Variants in SPAG16 observed in about 807,000 individuals in gnomAD.
The protein encoded by SPAG16 is sperm-associated antigen 16 protein.
SPAG16 carries 86 observed loss-of-function variants against 80.4 expected under a neutral mutation model. The observed-to-expected ratio is 1.07, with a 90% CI of 0.90 to 1.28. SPAG16 has a LOEUF of 1.28. SPAG16 is among the 50% of genes most tolerant of loss of function. The probability of loss-of-function intolerance (pLI) is 0.00; values close to 1 mark genes in which losing one functional copy is unlikely to be tolerated. For missense variants in SPAG16, 870 were observed against 765.3 expected, an observed-to-expected ratio of 1.14 and a Z score of -1.61; for synonymous variants, 294 against 265.9, an observed-to-expected ratio of 1.11 and a Z score of -1.03.
chr2:213,314,701 A>C (rs1254143785), intron 4 of SPAG16, among the ~76,000 whole-genome samples: 2 of 151,872 alleles, frequency 1.3e-5, no homozygotes, highest in Admixed American at 1.3e-4. Context: ...TAGAGGAAAA[A>C]CTATTAAATC....
intron 13 of SPAG16, among the ~76,000 whole-genome samples, chr2:214,019,481 T>G (rs2047749373): frequency 6.6e-6 from 1 of 152,158 alleles, no homozygotes; most frequent in Admixed American, 6.5e-5. Context: ...TTAGACTAAC[T>G]GCGGGCACTT....
At chr2:214,150,068 G>A (rs1171825097) in intron 15 of SPAG16, among the ~76,000 whole-genome samples, 3 of 151,914 alleles carry the variant, frequency 2.0e-5, no homozygotes, top group African/African-American at 7.2e-5. Context: ...CATTATTTGT[G>A]GTAAATCAAA....
At chr2:213,646,157 T>C (rs1043177353) in intron 10 of SPAG16, among the ~76,000 whole-genome samples, 1 of 152,148 alleles carries the variant, frequency 6.6e-6, no homozygotes, top group African/African-American at 2.4e-5. Flanking sequence ...TCAAAACTGT[T>C]TTTCCTATCC....
intron 10 of SPAG16, among the ~76,000 whole-genome samples, chr2:213,662,625 G>A (rs1224892061): frequency 6.6e-6 from 1 of 152,058 alleles, no homozygotes; most frequent in Non-Finnish European, 1.5e-5. Context: ...TTTGAAGTTT[G>A]AAGATAATAC....
intron 10 of SPAG16, among the ~76,000 whole-genome samples, chr2:213,756,237 T>C (rs1335873161): frequency 6.6e-6 from 1 of 152,116 alleles, no homozygotes; most frequent in African/African-American, 2.4e-5. Flanking sequence ...TCCTAGCACT[T>C]TGGGAGGCCG....
At chr2:214,049,713 G>A (rs1014133016) in intron 13 of SPAG16, among the ~76,000 whole-genome samples, 1 of 152,210 alleles carries the variant, frequency 6.6e-6, no homozygotes, top group African/African-American at 2.4e-5. Flanking sequence ...CACAGCCATT[G>A]TAAGTTTATT....
At chr2:213,664,532 A>G (rs1017329367) in intron 10 of SPAG16, among the ~76,000 whole-genome samples, 1 of 152,092 alleles carries the variant, frequency 6.6e-6, no homozygotes, top group East Asian at 1.9e-4. Context: ...AGAAATGACA[A>G]GCTCTCTGAG....
In SPAG16 at chr2:213,985,249, A is replaced by G. The variant is rs566280186; in HGVS notation, c.1401-28702A>G. ...GTGTTGTTTCATTTTGTTTAACACA[A>G]TTGACTTCTAGGTAAAATTTCTTTT... On this transcript the variant is annotated intron_variant, in intron 12 of 15. Coordinates refer to ENST00000331683, the MANE Select transcript of SPAG16 (RefSeq NM_024532.5). 9.9e-5 allele frequency among the ~76,000 whole-genome samples: 15 copies of G among 152,226 alleles called. No individual in the cohort carries two copies. In the South Asian group the frequency reaches 1.7e-3, roughly 17 times the overall value.
chr2:213,965,066 C>T (rs1313085684), intron 12 of SPAG16, among the ~76,000 whole-genome samples: 2 of 152,140 alleles, frequency 1.3e-5, no homozygotes, highest in African/African-American at 2.4e-5. Flanking sequence ...TATTGATTCT[C>T]CTTCCCCTAC....
intron 9 of SPAG16, among the ~76,000 whole-genome samples, chr2:213,482,738 G>A (rs1203301363): frequency 6.6e-6 from 1 of 152,036 alleles, no homozygotes; most frequent in African/African-American, 2.4e-5. Flanking sequence ...TGTGAATCAC[G>A]GTTCTGATTA....
chr2:213,958,176 G>A (rs375683475), intron 12 of SPAG16, among the ~76,000 whole-genome samples: 2 of 152,176 alleles, frequency 1.3e-5, no homozygotes, highest in South Asian at 4.1e-4. Context: ...GTGTGACCCA[G>A]TTTGGTTTCC....
intron 9 of SPAG16, among the ~76,000 whole-genome samples, chr2:213,413,289 A>C (rs2069084412): frequency 6.6e-6 from 1 of 152,156 alleles, no homozygotes; most frequent in South Asian, 2.1e-4. Context: ...TATCCATAAG[A>C]TTAAGTATTA....
At chr2:213,688,840 TATATTA>T (rs2064808368) in intron 10 of SPAG16, among the ~76,000 whole-genome samples, 1 of 152,218 alleles carries the variant, frequency 6.6e-6, no homozygotes, top group Non-Finnish European at 1.5e-5. Context: ...TCTCAGATAT[TATATTA>T]ATAATTCTAT....
At chr2:213,709,306 G>C (rs2125353817) in intron 10 of SPAG16, among the ~76,000 whole-genome samples, 1 of 152,258 alleles carries the variant, frequency 6.6e-6, no homozygotes, top group South Asian at 2.1e-4. Context: ...GAAGGTGTGA[G>C]AGTCCTTTCT....
intron 15 of SPAG16, among the ~76,000 whole-genome samples, chr2:214,195,019 C>T (rs528061287): frequency 1.3e-5 from 2 of 151,940 alleles, no homozygotes; most frequent in African/African-American, 2.4e-5. Context: ...ACAGTAGATA[C>T]AAAAATAATT....
rs997255430 is a variant in SPAG16 at position 214,322,542 on chromosome 2, C to T, written c.1721-87598C>T. The stretch of plus-strand genomic sequence containing the variant: ...AAAAAGGCATCAGAAAAATTGAAAG[C>T]AAAATGTATTGCCAAAAAATAAATT... On this transcript the variant is annotated intron_variant, in intron 15 of 15. Coordinates refer to ENST00000331683, the MANE Select transcript of SPAG16 (RefSeq NM_024532.5). 2.0e-5 allele frequency among the ~76,000 whole-genome samples: 3 copies of T among 147,190 alleles called. No individual in the cohort carries two copies. In the South Asian group the frequency reaches 6.4e-4, roughly 31 times the overall value.
At chr2:213,908,783 A>C (rs1471240227) in intron 11 of SPAG16, among the ~76,000 whole-genome samples, 1 of 144,444 alleles carries the variant, frequency 6.9e-6, no homozygotes, top group Non-Finnish European at 1.5e-5. Flanking sequence ...TTTTTTAATT[A>C]TTATTATACT....
intron 14 of SPAG16, among the ~76,000 whole-genome samples, chr2:214,124,229 G>A (rs2054362552): frequency 6.6e-6 from 1 of 151,710 alleles, no homozygotes; most frequent in South Asian, 2.1e-4. Context: ...ATTGTTTTGA[G>A]CATATGACTG....
chr2:213,392,791 A>G (rs900436488), intron 9 of SPAG16, among the ~76,000 whole-genome samples: 1 of 151,984 alleles, frequency 6.6e-6, no homozygotes, highest in Non-Finnish European at 1.5e-5. Context: ...GGCTGCAGTG[A>G]GCCGAGATTG....
Sources: allele counts gnomAD v4.1 joint callset (sites outside exome capture counted in the v4.1 genomes callset), GRCh38; gene constraint gnomAD v4.1.1; transcripts MANE v1.5; gene names NCBI Gene and HGNC (gene_info 2026-07-23, HGNC 2026-07-21).